Variants in CRCP observed in about 807,000 individuals in gnomAD.
CRCP encodes DNA-directed RNA polymerase III subunit RPC9.
CRCP carries 18 observed loss-of-function variants against 18.5 expected under a neutral mutation model. That is an observed-to-expected ratio of 0.97 (90% CI 0.67 to 1.44). The LOEUF is 1.44. Ranked by LOEUF, CRCP falls within the 40% of genes most tolerant of loss-of-function variation. CRCP has a pLI of 0.00. For synonymous variants in CRCP, 53 were observed against 62.9 expected, an observed-to-expected ratio of 0.84 and a Z score of 0.75; for missense variants, 130 against 176.4, an observed-to-expected ratio of 0.74 and a Z score of 1.49.
chr7:66,116,731 C>G (rs895956306), intron 1 of CRCP, among the ~76,000 whole-genome samples: 3 of 152,054 alleles, frequency 2.0e-5, no homozygotes, highest in Non-Finnish European at 4.4e-5. Context: ...GCTTCCCATC[C>G]CAACAAAACT....
intron 2 of CRCP, among the ~76,000 whole-genome samples, chr7:66,129,642 T>C (rs757438667): frequency 2.0e-4 from 30 of 151,798 alleles, no homozygotes; most frequent in African/African-American, 3.2e-4. Flanking sequence ...GGCTCAGTCT[T>C]AAGTGGTTGC....
intron 1 of CRCP, among the ~76,000 whole-genome samples, chr7:66,116,975 A>T (rs545720245): frequency 6.6e-6 from 1 of 152,060 alleles, no homozygotes; most frequent in South Asian, 2.1e-4. Context: ...ACAAAAATTA[A>T]CTGGGTGTAG....
In CRCP at chr7:66,153,453, A is replaced by G. The variant is rs1788530231; in HGVS notation, c.*1096A>G. ...AAACTTCATCTAAAAAACAGAAAAT[A>G]TTAAGATGATTACCATGTGAAAACC... On this transcript the variant is annotated 3_prime_UTR_variant, in exon 6 of 6. Transcript: ENST00000395326. 2 of 152,220 alleles carry G rather than the reference A, an allele frequency of 1.3e-5. No individual in the cohort carries two copies. The highest frequency in any genetic ancestry group is 3.9e-4 in the East Asian group (2 of 5,160). 9.4% of individuals were successfully genotyped at this position (152,220 alleles called of 1,614,324 possible).
intron 4 of CRCP, among the ~76,000 whole-genome samples, chr7:66,143,438 A>C (rs1788197710): frequency 6.6e-6 from 1 of 150,586 alleles, no homozygotes; most frequent in Non-Finnish European, 1.5e-5. Flanking sequence ...GTTTCCTAAA[A>C]CTCCGGGAGC....
upstream of CRCP, chr7:66,114,839 G>C: frequency 1.9e-6 from 3 of 1,594,350 alleles, no homozygotes; most frequent in South Asian, 3.3e-5. Context: ...ATGCAGCGCG[G>C]CGATCCCGGC....
At chr7:66,117,568 C>G (rs1267883372) in intron 1 of CRCP, among the ~76,000 whole-genome samples, 3 of 152,188 alleles carry the variant, frequency 2.0e-5, no homozygotes, top group African/African-American at 7.2e-5. Context: ...TTACTTTTCA[C>G]CATCTCCAAT....
intron 2 of CRCP, among the ~76,000 whole-genome samples, chr7:66,129,818 T>G (rs1291175967): frequency 6.6e-6 from 1 of 152,088 alleles, no homozygotes; most frequent in African/African-American, 2.4e-5. Context: ...GACCAGCAGA[T>G]GAGAGGGGTC....
chr7:66,152,733 A>C lies in CRCP; in HGVS notation c.*376A>C, dbSNP rs1309757552. ...ATTAGTTTCATCTGCTTCCCTGGGA[A>C]CTTACTAAGGGGCCCAGAGCACTGT... On this transcript the variant is annotated 3_prime_UTR_variant, in exon 6 of 6. Coordinates refer to ENST00000395326, the MANE Select transcript of CRCP (RefSeq NM_014478.5). 3 of 196,962 alleles carry C rather than the reference A, an allele frequency of 1.5e-5. No individual in the cohort carries two copies. Among genetic ancestry groups the C allele is most frequent in the East Asian group, 1.4e-4 (1 of 6,924 alleles). The allele number at this position is 196,962 out of a possible 1,614,324, so 12.2% of individuals were successfully genotyped here. A position where few individuals can be genotyped will look rare whatever the true frequency, so the allele number is the denominator to read the frequency against.
chr7:66,151,671 C>CTGTGTGTGTGTGTG (rs1413679351), intron 5 of CRCP, among the ~76,000 whole-genome samples: 1 of 40,268 alleles, frequency 2.5e-5, no homozygotes, highest in Non-Finnish European at 4.5e-5. Flanking sequence ...CACCACTTCT[C>CTGTGTGTGTGTGTG]TCTGTGTGTG....
intron 1 of CRCP, among the ~76,000 whole-genome samples, chr7:66,125,465 T>A (rs1787592781): frequency 6.7e-6 from 1 of 149,520 alleles, no homozygotes; most frequent in Non-Finnish European, 1.5e-5. Flanking sequence ...TTTAAAAAAA[T>A]TTATCTTCCT....
At chr7:66,120,163 G>A (rs529139378) in intron 1 of CRCP, among the ~76,000 whole-genome samples, 4 of 151,472 alleles carry the variant, frequency 2.6e-5, no homozygotes, top group Non-Finnish European at 5.9e-5. Context: ...CAGCCTGGGC[G>A]ATAGAGCGAG....
intron 3 of CRCP, among the ~76,000 whole-genome samples, chr7:66,133,952 A>G (rs2244226): frequency 0.75 from 111,198 of 147,786 alleles, 41,971 homozygotes; most frequent in African/African-American, 0.81. Context: ...TCTGCCTCCC[A>G]GGTTCAAGTG....
intron 3 of CRCP, 105 bp from the exon 4 acceptor site, chr7:66,134,175 C>A (rs576101817): frequency 2.1e-6 from 2 of 945,060 alleles, no homozygotes; most frequent in African/African-American, 1.7e-5. Context: ...AGGATTTTTA[C>A]AAACAAAATT....
chr7:66,145,546 A>T (rs1444104516), intron 5 of CRCP, 46 bp downstream of exon 5: 2 of 1,600,560 alleles, frequency 1.2e-6, no homozygotes, highest in African/African-American at 1.3e-5. Context: ...TGGGTCTGAG[A>T]TGTAGAATGG....
chr7:66,149,065 A>AT (rs1406728574), intron 5 of CRCP, among the ~76,000 whole-genome samples: 1 of 152,212 alleles, frequency 6.6e-6, no homozygotes, highest in Non-Finnish European at 1.5e-5. Flanking sequence ...TGGGATTGAG[A>AT]TAATAAATGT....
intron 4 of CRCP, 145 bp downstream of exon 4, chr7:66,134,519 C>A (rs1584082558): frequency 3.4e-6 from 2 of 586,210 alleles, no homozygotes; most frequent in Non-Finnish European, 6.0e-6. Context: ...GAAAGTTAGA[C>A]ATAGGGACTA....
chr7:66,125,678 T>C (rs948233240), intron 1 of CRCP, among the ~76,000 whole-genome samples: 9 of 149,094 alleles, frequency 6.0e-5, no homozygotes, highest in African/African-American at 2.2e-4. Context: ...ACTTGTTTAG[T>C]GGGGTAGTAA....
intron 5 of CRCP, among the ~76,000 whole-genome samples, chr7:66,150,347 C>A (rs1788419040): frequency 1.4e-4 from 3 of 21,244 alleles, no homozygotes. Flanking sequence ...GCCTGGGCAA[C>A]AAGAGTGAAG....
chr7:66,127,738 G>A lies in CRCP; in HGVS notation c.43G>A (p.Glu15Lys), dbSNP rs749556146. ...CAATTCTGCGCTTCTCAGTAACTACGAGGTAAATTGGATTGTTACATTTTC... is the reference window on the plus strand; with the variant it reads ...CAATTCTGCGCTTCTCAGTAACTACAAGGTAAATTGGATTGTTACATTTTC... ...DANSALLSNY[E>K]VFQLLTDLKE... Residue 15 changes from glutamate to lysine, a missense_variant and splice_region_variant, in exon 2 of 6, where the codon GAG (glutamate) becomes AAG (lysine). Transcript: ENST00000395326. The A allele has an allele frequency of 2.5e-5, 40 of 1,613,848 alleles. No individual in the cohort carries two copies. The highest frequency in any genetic ancestry group is 5.0e-5 in the Admixed American group (3 of 59,980).
Sources: gnomAD v4.1 joint callset for allele counts (sites outside exome capture counted in the v4.1 genomes callset) on GRCh38, gnomAD v4.1.1 for gene constraint, MANE v1.5 for transcripts, NCBI Gene and HGNC (gene_info 2026-07-23, HGNC 2026-07-21) for gene names.